The following GHRHR variants were observed in gnomAD, a reference collection of about 807,000 sequenced individuals.
The protein encoded by GHRHR is growth hormone-releasing hormone receptor.
Under a neutral mutation model 58.3 loss-of-function variants are expected in GHRHR, and 40 were observed. That is an observed-to-expected ratio of 0.69 (90% CI 0.53 to 0.89). The LOEUF (loss-of-function observed/expected upper bound fraction) is 0.89, where lower values mean the gene tolerates loss of function less well. GHRHR is among the 40% of genes least tolerant of loss of function. The probability of loss-of-function intolerance (pLI) is 0.00; values close to 1 mark genes in which losing one functional copy is unlikely to be tolerated. For missense variants in GHRHR, 551 were observed against 541.3 expected, an observed-to-expected ratio of 1.02 and a Z score of -0.18; for synonymous variants, 249 against 216.6, an observed-to-expected ratio of 1.15 and a Z score of -1.31.
chr7:30,970,554 G>T (rs1285205057), intron 4 of GHRHR, among the ~76,000 whole-genome samples: 2 of 152,224 alleles, frequency 1.3e-5, no homozygotes, highest in African/African-American at 4.8e-5. Context: ...GGGACAGGAA[G>T]TGATTGCCTG....
intron 8 of GHRHR, 60 bp from the exon 9 acceptor site, chr7:30,974,911 G>T: frequency 5.6e-6 from 6 of 1,066,514 alleles, no homozygotes; most frequent in Non-Finnish European, 8.8e-6. Context: ...AGAGGGAGGT[G>T]CCTGCGTCAC....
At chr7:30,969,516 C>T in intron 3 of GHRHR, 1 of 597,916 alleles carries the variant, frequency 1.7e-6, no homozygotes, top group Non-Finnish European at 3.0e-6. Flanking sequence ...GAGGGTGGGG[C>T]ACTCTGCTGC....
Position 30,979,498 on chromosome 7 carries a change from G to C in GHRHR, c.*254G>C. The C allele has an allele frequency of 8.6e-6, 4 of 464,282 alleles. No individual in the cohort carries two copies. Among genetic ancestry groups the C allele is most frequent in the Non-Finnish European group, 1.6e-5 (4 of 249,950 alleles). 28.8% of individuals were successfully genotyped at this position (464,282 alleles called of 1,614,324 possible). A position where few individuals can be genotyped will look rare whatever the true frequency, so the allele number is the denominator to read the frequency against. On this transcript the variant is annotated 3_prime_UTR_variant, in exon 13 of 13. Transcript: ENST00000326139. ...CTGGGGCCTGGGGCTCTAGCCCAAG[G>C]CTCAGAGGAGCCAATAAACCTGTAA...
intron 4 of GHRHR, 87 bp downstream of exon 4, chr7:30,970,051 G>T: frequency 1.3e-6 from 1 of 780,534 alleles, no homozygotes. Flanking sequence ...CCATTCTCTA[G>T]CCTGCAGATT....
chr7:30,966,431 T>A (rs561270341), intron 1 of GHRHR, among the ~76,000 whole-genome samples: 20 of 152,144 alleles, frequency 1.3e-4, no homozygotes, highest in Middle Eastern at 3.4e-3. Context: ...GAGAGAAACA[T>A]TAGTCCTGAG....
At chr7:30,971,251 C>A in intron 5 of GHRHR, 35 bp downstream of exon 5, 1 of 911,656 alleles carries the variant, frequency 1.1e-6, no homozygotes, top group Non-Finnish European at 1.8e-6. Flanking sequence ...AAGAACCTTC[C>A]TTGGCTCCTT....
chr7:30,967,673 C>T (rs1299532650), intron 1 of GHRHR, among the ~76,000 whole-genome samples: 2 of 151,754 alleles, frequency 1.3e-5, no homozygotes, highest in Non-Finnish European at 2.9e-5. Context: ...CACTAGCCTT[C>T]CTTCCTTCTT....
intron 12 of GHRHR, among the ~76,000 whole-genome samples, chr7:30,978,264 G>A (rs1056392730): frequency 6.6e-6 from 1 of 152,136 alleles, no homozygotes; most frequent in Non-Finnish European, 1.5e-5. Context: ...TCTGGCTGTA[G>A]CAGACCATGG....
chr7:30,964,481 G>A (rs1008991831), intron 1 of GHRHR, among the ~76,000 whole-genome samples: 2 of 152,186 alleles, frequency 1.3e-5, no homozygotes, highest in Admixed American at 6.5e-5. Flanking sequence ...GCAAAGTCAG[G>A]CTCCCCTCTT....
intron 1 of GHRHR, among the ~76,000 whole-genome samples, chr7:30,964,967 G>C (rs1792314324): frequency 6.6e-6 from 1 of 152,184 alleles, no homozygotes; most frequent in Non-Finnish European, 1.5e-5. Context: ...GCACCTTGCT[G>C]CACCTGCTCC....
intron 10 of GHRHR, 48 bp downstream of exon 10, chr7:30,975,916 G>A (rs746138376): frequency 9.9e-7 from 1 of 1,013,630 alleles, no homozygotes; most frequent in Admixed American, 1.7e-5. Flanking sequence ...TAACTGGAGG[G>A]GGATTCAATG....
intron 4 of GHRHR, 73 bp downstream of exon 4, chr7:30,970,037 GCCGC>G: frequency 1.3e-6 from 1 of 787,828 alleles, no homozygotes; most frequent in South Asian, 1.3e-5. Context: ...AACTGTAGGG[GCCGC>G]CATTCTCTAG....
chr7:30,969,170 G>C lies in GHRHR; in HGVS notation c.268G>C (p.Gly90Arg). The C allele has an allele frequency of 6.5e-7, 1 of 1,540,292 alleles. No individual in the cohort carries two copies. The highest frequency in any genetic ancestry group is 2.4e-5 in the East Asian group (1 of 42,472). Residue 90 changes from glycine (G) to arginine (R), a missense_variant and splice_region_variant, in exon 3 of 13, where the codon GGG (glycine) becomes CGG (arginine). Transcript: ENST00000326139. ...DFFSHFSSES[G>R]AVKRDCTITG... ...CTTCTCTCACTTCAGCTCAGAGTCA[G>C]GTGAGGGGTGCTGGGTGTGGCGGTG...
intron 12 of GHRHR, among the ~76,000 whole-genome samples, chr7:30,977,846 A>C (rs1453152723): frequency 6.6e-6 from 1 of 152,218 alleles, no homozygotes; most frequent in Non-Finnish European, 1.5e-5. Context: ...GAGAGTGGAC[A>C]GAAGGGGAGA....
At chr7:30,971,937 T>C in intron 5 of GHRHR, 26 bp from the exon 6 acceptor site, 1 of 1,612,424 alleles carries the variant, frequency 6.2e-7, no homozygotes, top group Non-Finnish European at 8.5e-7. Context: ...TTGCTTCTTG[T>C]TCCTCATTTC....
chr7:30,975,127 C>T, intron 9 of GHRHR, 87 bp downstream of exon 9: 1 of 919,988 alleles, frequency 1.1e-6, no homozygotes, highest in Non-Finnish European at 1.8e-6. Context: ...AAATGCAACT[C>T]CAGGCTGGGT....
chr7:30,979,183 C>A lies in GHRHR; in HGVS notation c.1211C>A (p.Thr404Asn). Residue 404 changes from threonine (T) to asparagine (N), a missense_variant, in exon 13 of 13, where the codon ACC becomes AAC. By Grantham distance (65) the Thr-to-Asn change is moderately conservative (BLOSUM62 0). Transcript: ENST00000326139. ...CCTGAGCTTCTGCCAGCCTGGAGGA[C>A]CCGTGCTAAGTGGACCACGCCTTCC... ...HDPELLPAWR[T>N]RAKWTTPSRS... 6.2e-7 allele frequency: 1 copy of A among 1,613,598 alleles called. No homozygotes were observed. The highest frequency in any genetic ancestry group is 8.5e-7 in the Non-Finnish European group (1 of 1,179,492).
At chr7:30,971,403 C>T (rs1792478080) in intron 5 of GHRHR, among the ~76,000 whole-genome samples, 187 bp downstream of exon 5, 2 of 152,176 alleles carry the variant, frequency 1.3e-5, no homozygotes, top group Admixed American at 1.3e-4. Flanking sequence ...CTCATTCCTA[C>T]CTCTGCCCCT....
intron 12 of GHRHR, among the ~76,000 whole-genome samples, chr7:30,977,642 A>G (rs1230498628): frequency 2.0e-5 from 3 of 152,164 alleles, no homozygotes; most frequent in African/African-American, 4.8e-5. Context: ...GTGTTCCTAA[A>G]ATTGAACAAA....
Sources: allele counts gnomAD v4.1 joint callset (sites outside exome capture counted in the v4.1 genomes callset), GRCh38; gene constraint gnomAD v4.1.1; transcripts MANE v1.5; gene names NCBI Gene and HGNC (gene_info 2026-07-23, HGNC 2026-07-21).